Variants in RBFOX1 observed in about 807,000 individuals in gnomAD.
RBFOX1 encodes RNA binding fox-1 homolog 1.
In RBFOX1, 8 loss-of-function variants were observed where a neutral mutation model predicts 57.7. That is an observed-to-expected ratio of 0.14 (90% confidence interval 0.08 to 0.25). RBFOX1 has a LOEUF of 0.25. RBFOX1 is among the 10% of genes least tolerant of loss of function. The probability of loss-of-function intolerance (pLI) is 1.00; values close to 1 mark genes in which losing one functional copy is unlikely to be tolerated. For missense variants in RBFOX1, 611 were observed against 548.5 expected, an observed-to-expected ratio of 1.11 and a Z score of -1.14; for synonymous variants, 326 against 222.4, an observed-to-expected ratio of 1.47 and a Z score of -4.15.
At chr16:5,856,598 T>TAC (rs2057076544) in intron 3 of RBFOX1, among the ~76,000 whole-genome samples, 2 of 103,382 alleles carry the variant, frequency 1.9e-5, no homozygotes, top group Non-Finnish European at 4.0e-5. Flanking sequence ...TATATATATA[T>TAC]ATATATAATC....
chr16:7,231,782 A>G (rs1324027145), intron 4 of RBFOX1, among the ~76,000 whole-genome samples: 1 of 152,216 alleles, frequency 6.6e-6, no homozygotes, highest in Admixed American at 6.5e-5. Context: ...CACTGTGGTA[A>G]GTAAAAGAAC....
intron 2 of RBFOX1, among the ~76,000 whole-genome samples, chr16:6,605,482 T>G (rs1410916345): frequency 6.6e-6 from 1 of 152,166 alleles, no homozygotes; most frequent in Non-Finnish European, 1.5e-5. Context: ...ATTTGCAGTC[T>G]TAACCCCCAA....
chr16:6,415,469 G>A (rs1025747462), intron 2 of RBFOX1, among the ~76,000 whole-genome samples: 37 of 151,496 alleles, frequency 2.4e-4, no homozygotes, highest in Admixed American at 1.8e-3. Flanking sequence ...TTGGGAGGTC[G>A]AGGAGGGCGG....
intron 4 of RBFOX1, among the ~76,000 whole-genome samples, chr16:7,226,925 G>T (rs1165587430): frequency 6.6e-6 from 1 of 152,168 alleles, no homozygotes; most frequent in Non-Finnish European, 1.5e-5. Context: ...GTGTCTATAT[G>T]TATGGATGTA....
chr16:5,950,130 A>G (rs901852747), intron 4 of RBFOX1, among the ~76,000 whole-genome samples: 1 of 152,206 alleles, frequency 6.6e-6, no homozygotes, highest in South Asian at 2.1e-4. Flanking sequence ...TCCACCTGTA[A>G]TTGGTAAGAA....
At chr16:5,792,170 C>T (rs4349145) in intron 3 of RBFOX1, among the ~76,000 whole-genome samples, 1 of 152,172 alleles carries the variant, frequency 6.6e-6, no homozygotes, top group African/African-American at 2.4e-5. Flanking sequence ...AAAAGAGAAC[C>T]TGGGACAAGG....
chr16:7,098,723 G>A (rs539877517), intron 4 of RBFOX1, among the ~76,000 whole-genome samples: 1 of 152,116 alleles, frequency 6.6e-6, no homozygotes, highest in African/African-American at 2.4e-5. Flanking sequence ...ACTGAGGCAG[G>A]AGGATCATTT....
intron 1 of RBFOX1, among the ~76,000 whole-genome samples, chr16:6,048,403 A>G (rs949530765): frequency 1.3e-5 from 2 of 152,216 alleles, no homozygotes; most frequent in African/African-American, 2.4e-5. Context: ...GGATACCAGA[A>G]ACCTTCCAAA....
At chr16:6,193,392 CTATATATATATATATATA>C (rs55707901) in intron 1 of RBFOX1, among the ~76,000 whole-genome samples, 1 of 43,218 alleles carries the variant, frequency 2.3e-5, no homozygotes, top group Non-Finnish European at 4.8e-5. Context: ...TATATATATA[CTATATATATATATATATA>C]TATATATATA....
intron 2 of RBFOX1, among the ~76,000 whole-genome samples, chr16:6,570,000 C>T (rs1234030439): frequency 6.6e-6 from 1 of 152,152 alleles, no homozygotes; most frequent in Admixed American, 6.5e-5. Context: ...TTAGGAAACC[C>T]TTGCATTCTC....
At chr16:5,914,434 C>G (rs1281244617) in intron 4 of RBFOX1, among the ~76,000 whole-genome samples, 1 of 152,090 alleles carries the variant, frequency 6.6e-6, no homozygotes, top group Non-Finnish European at 1.5e-5. Flanking sequence ...TAGAGAATCC[C>G]CTTCCAAGTT....
chr16:6,047,077 A>G (rs775597330), intron 1 of RBFOX1, among the ~76,000 whole-genome samples: 5 of 152,202 alleles, frequency 3.3e-5, no homozygotes, highest in Non-Finnish European at 7.3e-5. Flanking sequence ...CCAAGGAAGA[A>G]ACACAGAGGA....
intron 3 of RBFOX1, among the ~76,000 whole-genome samples, chr16:5,665,504 C>T (rs2049812419): frequency 6.6e-6 from 1 of 152,146 alleles, no homozygotes; most frequent in African/African-American, 2.4e-5. Context: ...TTGAAATAGT[C>T]GCCATTGATA....
chr16:6,985,398 G>A (rs1339357093), intron 3 of RBFOX1, among the ~76,000 whole-genome samples: 1 of 152,182 alleles, frequency 6.6e-6, no homozygotes, highest in Admixed American at 6.5e-5. Flanking sequence ...GCTGGACAAG[G>A]TGACTCAGGA....
chr16:5,495,152 G>A (rs1834126907), intron 2 of RBFOX1, among the ~76,000 whole-genome samples: 1 of 152,216 alleles, frequency 6.6e-6, no homozygotes, highest in East Asian at 1.9e-4. Context: ...AGGCAAAGGG[G>A]AAGCAGGCAC....
intron 2 of RBFOX1, among the ~76,000 whole-genome samples, chr16:6,615,130 A>G (rs947127841): frequency 6.6e-6 from 1 of 152,222 alleles, no homozygotes. Context: ...ATTGTATAAA[A>G]TACAGTTTGC....
intron 2 of RBFOX1, among the ~76,000 whole-genome samples, chr16:6,477,748 C>T (rs1469375936): frequency 6.6e-6 from 1 of 152,088 alleles, no homozygotes; most frequent in Admixed American, 6.5e-5. Flanking sequence ...TTATAGATAC[C>T]ATCTTCTTCC....
At chr16:6,339,486 A>T (rs967348983) in intron 2 of RBFOX1, among the ~76,000 whole-genome samples, 3 of 152,126 alleles carry the variant, frequency 2.0e-5, no homozygotes, top group African/African-American at 7.2e-5. Flanking sequence ...TAAAATGTGG[A>T]GATCATTCAT....
At chr16:6,308,756 T>C (rs4786852) in intron 1 of RBFOX1, among the ~76,000 whole-genome samples, 34,551 of 152,072 alleles carry the variant, frequency 0.23, 5,074 homozygotes, top group East Asian at 0.63. Context: ...TCAGGAGTTG[T>C]GGAATAAGAG....
Sources: gnomAD v4.1 joint callset for allele counts (sites outside exome capture counted in the v4.1 genomes callset) on GRCh38, gnomAD v4.1.1 for gene constraint, MANE v1.5 for transcripts, NCBI Gene and HGNC (gene_info 2026-07-23, HGNC 2026-07-21) for gene names.